Variants in NELL1 observed in about 807,000 individuals in gnomAD.
NELL1 encodes the protein protein kinase C-binding protein NELL1.
Under a neutral mutation model 107.4 loss-of-function variants are expected in NELL1, and 76 were observed. The observed-to-expected ratio is 0.71, with a 90% CI of 0.59 to 0.86. The LOEUF (loss-of-function observed/expected upper bound fraction) is 0.86. Ranked by LOEUF, NELL1 falls within the 40% of genes least tolerant of loss-of-function variation. The pLI is 0.00. For missense variants in NELL1, 1,024 were observed against 1,005.5 expected (o/e 1.02, Z -0.25); for synonymous variants, 353 against 341.2 (o/e 1.03, Z -0.38).
chr11:20,922,113 G>A (rs1456324502), intron 7 of NELL1, among the ~76,000 whole-genome samples: 1 of 151,948 alleles, frequency 6.6e-6, no homozygotes, highest in Non-Finnish European at 1.5e-5. Context: ...TCTCATGTTA[G>A]GCCAAATCTT....
At chr11:21,460,605 C>A (rs1039449825) in intron 15 of NELL1, among the ~76,000 whole-genome samples, 7 of 152,012 alleles carry the variant, frequency 4.6e-5, no homozygotes, top group Non-Finnish European at 8.8e-5. Flanking sequence ...CTTATAAATG[C>A]GAGAGCATTG....
At chr11:21,106,248 A>G (rs1854964548) in intron 12 of NELL1, among the ~76,000 whole-genome samples, 1 of 152,054 alleles carries the variant, frequency 6.6e-6, no homozygotes, top group Admixed American at 6.5e-5. Context: ...CTGGCAGTCC[A>G]GGTCTGCTTC....
At chr11:20,805,635 T>C (rs921349111) in intron 3 of NELL1, among the ~76,000 whole-genome samples, 9 of 152,214 alleles carry the variant, frequency 5.9e-5, no homozygotes, top group African/African-American at 2.2e-4. Context: ...CCCGAGCAGC[T>C]GGGACTACAG....
intron 4 of NELL1, among the ~76,000 whole-genome samples, chr11:20,865,141 C>CTTA (rs1218737593): frequency 2.0e-5 from 3 of 152,172 alleles, no homozygotes; most frequent in Non-Finnish European, 1.5e-5. Context: ...TGCAGTTGAG[C>CTTA]TTAAGGCTTC....
chr11:21,343,401 A>C (rs1278036484), intron 14 of NELL1, among the ~76,000 whole-genome samples: 6 of 151,210 alleles, frequency 4.0e-5, no homozygotes, highest in African/African-American at 1.5e-4. Flanking sequence ...CACCTAGCCT[A>C]CTCTGCTCAA....
chr11:21,366,049 T>G (rs931103810), intron 14 of NELL1, among the ~76,000 whole-genome samples: 1 of 152,114 alleles, frequency 6.6e-6, no homozygotes, highest in African/African-American at 2.4e-5. Context: ...CCCTTCATCT[T>G]GTGACAACCA....
intron 14 of NELL1, among the ~76,000 whole-genome samples, chr11:21,352,041 C>T (rs1183638108): frequency 6.6e-6 from 1 of 152,122 alleles, no homozygotes; most frequent in African/African-American, 2.4e-5. Flanking sequence ...TAAGTATGGT[C>T]CTCCATGAAG....
chr11:21,209,223 A>T (rs1857448978), intron 13 of NELL1, among the ~76,000 whole-genome samples: 1 of 151,762 alleles, frequency 6.6e-6, no homozygotes, highest in Admixed American at 6.6e-5. Context: ...TAAAGCACAG[A>T]TTTTCAGATT....
At chr11:20,694,280 C>G (rs191208903) in intron 2 of NELL1, among the ~76,000 whole-genome samples, 1 of 152,094 alleles carries the variant, frequency 6.6e-6, no homozygotes, top group East Asian at 1.9e-4. Flanking sequence ...CTAGGTCCTC[C>G]TTGTTAATTT....
chr11:20,887,484 T>G (rs1849533626), intron 5 of NELL1, among the ~76,000 whole-genome samples: 1 of 152,278 alleles, frequency 6.6e-6, no homozygotes, highest in East Asian at 1.9e-4. Context: ...AAATTTCAGT[T>G]AGAGCTTTAA....
At chr11:21,063,383 A>C (rs918887283) in intron 12 of NELL1, among the ~76,000 whole-genome samples, 6 of 152,080 alleles carry the variant, frequency 3.9e-5, no homozygotes, top group Non-Finnish European at 1.5e-5. Context: ...TGAATCACTG[A>C]CCATTTAGTT....
intron 4 of NELL1, among the ~76,000 whole-genome samples, chr11:20,884,406 C>T (rs1033244287): frequency 2.6e-5 from 4 of 152,196 alleles, no homozygotes; most frequent in African/African-American, 7.2e-5. Flanking sequence ...GTTGCTCAGT[C>T]CTCAGCGAGG....
intron 12 of NELL1, among the ~76,000 whole-genome samples, chr11:20,977,617 A>G (rs957507753): frequency 1.3e-5 from 2 of 152,176 alleles, no homozygotes; most frequent in African/African-American, 4.8e-5. Flanking sequence ...TCCTCTCTTA[A>G]AACATACTCA....
rs79829776 is a variant in NELL1, at chr11:20,902,091, C to T, written c.604-16091C>T. Among the ~76,000 whole-genome samples the T allele has an allele frequency of 4.2e-3, 631 of 152,012 alleles. 7 individuals are homozygous for T. The highest frequency in any genetic ancestry group is 0.015 in the African/African-American group (612 of 41,514). ...AAGACAACATAAGAACATATCTTCA[C>T]GATCTCAGTCAGGATAGAGAAGTTC... On this transcript the variant is annotated intron_variant, in intron 5 of 19. Coordinates refer to ENST00000357134, the MANE Select transcript of NELL1 (RefSeq NM_006157.5).
intron 12 of NELL1, among the ~76,000 whole-genome samples, chr11:21,054,897 A>G (rs1853576843): frequency 6.6e-6 from 1 of 151,954 alleles, no homozygotes; most frequent in Non-Finnish European, 1.5e-5. Flanking sequence ...TTTTTGATTT[A>G]TGTCATACCC....
At chr11:20,818,873 T>C (rs1857685645) in intron 3 of NELL1, among the ~76,000 whole-genome samples, 2 of 152,196 alleles carry the variant, frequency 1.3e-5, no homozygotes, top group South Asian at 2.1e-4. Context: ...TGTCATAAAG[T>C]ATTAGTCCCT....
intron 4 of NELL1, among the ~76,000 whole-genome samples, chr11:20,868,910 T>G (rs1221196288): frequency 1.3e-5 from 2 of 152,132 alleles, no homozygotes; most frequent in African/African-American, 2.4e-5. Flanking sequence ...AAGGCAAAAG[T>G]AGCATTTTCA....
At chr11:21,384,308 G>A (rs1365676150) in intron 15 of NELL1, among the ~76,000 whole-genome samples, 1 of 151,876 alleles carries the variant, frequency 6.6e-6, no homozygotes, top group African/African-American at 2.4e-5. Flanking sequence ...TTATTACAAT[G>A]GCCTATAAGG....
chr11:21,173,700 G>A (rs1452285163), intron 13 of NELL1, among the ~76,000 whole-genome samples: 1 of 151,636 alleles, frequency 6.6e-6, no homozygotes, highest in Non-Finnish European at 1.5e-5. Context: ...ATGGTGGGTG[G>A]CATTTCATAA....
Sources: gnomAD v4.1 joint callset for allele counts (sites outside exome capture counted in the v4.1 genomes callset) on GRCh38, gnomAD v4.1.1 for gene constraint, MANE v1.5 for transcripts, NCBI Gene and HGNC (gene_info 2026-07-23, HGNC 2026-07-21) for gene names.